Variants in HEATR5B observed in about 807,000 individuals in gnomAD.
HEATR5B encodes HEAT repeat-containing protein 5B.
A neutral mutation model predicts 224.1 loss-of-function variants in HEATR5B; 156 were observed. The ratio of observed to expected loss-of-function variants is 0.70; its 90% confidence interval spans 0.61 to 0.80. The LOEUF (loss-of-function observed/expected upper bound fraction) is 0.80, where lower values mean the gene tolerates loss of function less well. Ranked by LOEUF, HEATR5B falls within the 30% of genes least tolerant of loss-of-function variation. The pLI is 0.00. For synonymous variants in HEATR5B, 1,027 were observed against 893.0 expected (o/e 1.15, Z -2.68); for missense variants, 2,323 against 2,535.5 (o/e 0.92, Z 1.80).
intron 28 of HEATR5B, 93 bp downstream of exon 28, chr2:37,008,518 A>C (rs1401087982): frequency 2.4e-6 from 2 of 850,766 alleles, no homozygotes; most frequent in East Asian, 2.4e-5. Context: ...AACTGTTACT[A>C]TAGCAACTGT....
intron 20 of HEATR5B, among the ~76,000 whole-genome samples, chr2:37,038,326 G>A (rs1254382308): frequency 6.6e-6 from 1 of 152,074 alleles, no homozygotes; most frequent in Non-Finnish European, 1.5e-5. Context: ...TTTTAGTAGA[G>A]ATGAGTTTTC....
intron 2 of HEATR5B, among the ~76,000 whole-genome samples, chr2:37,081,608 T>C (rs1356919385): frequency 1.3e-5 from 2 of 152,048 alleles, no homozygotes. Flanking sequence ...TACCTTGAGA[T>C]AGAGGGAATG....
intron 2 of HEATR5B, among the ~76,000 whole-genome samples, chr2:37,081,191 C>T (rs1208304410): frequency 2.0e-5 from 3 of 151,978 alleles, no homozygotes; most frequent in Admixed American, 6.6e-5. Context: ...AAAACAGAAA[C>T]GTCTAGTTGA....
At chr2:37,040,590 GTT>G in intron 19 of HEATR5B, 72 bp from the exon 20 acceptor site, 24 of 1,079,458 alleles carry the variant, frequency 2.2e-5, no homozygotes, top group South Asian at 6.1e-5. Context: ...ATACTGAATT[GTT>G]ACATGGGTAT....
intron 18 of HEATR5B, among the ~76,000 whole-genome samples, chr2:37,046,267 A>G (rs917449822): frequency 6.6e-6 from 1 of 152,222 alleles, no homozygotes; most frequent in African/African-American, 2.4e-5. Context: ...CCTAAAAAGC[A>G]ATTTGGTTGT....
At position 37,019,792 on chromosome 2, in the gene HEATR5B, C is replaced by A; in HGVS notation, c.4104+17G>T. The A allele has an allele frequency of 3.9e-6, 6 of 1,539,866 alleles. No homozygotes were observed. Among genetic ancestry groups the A allele is most frequent in the Non-Finnish European group, 5.4e-6 (6 of 1,116,016 alleles). On this transcript the variant is annotated intron_variant, in intron 26 of 35. Coordinates refer to ENST00000233099, the MANE Select transcript of HEATR5B (RefSeq NM_019024.3). ...TGTATAGAAGACAACTATACAAAGT[C>A]CCATTTTTCTTCTTACCTGGCAAGC... is the stretch of plus-strand genomic sequence containing the variant.
At chr2:37,049,540 C>A (rs1169270010) in intron 18 of HEATR5B, 113 bp downstream of exon 18, 3 of 937,592 alleles carry the variant, frequency 3.2e-6, no homozygotes, top group Non-Finnish European at 4.8e-6. Context: ...AAAAAACCCA[C>A]AAAATATTAT....
At chr2:37,004,004 A>C (rs929629355) in intron 30 of HEATR5B, among the ~76,000 whole-genome samples, 1 of 152,146 alleles carries the variant, frequency 6.6e-6, no homozygotes, top group Non-Finnish European at 1.5e-5. Flanking sequence ...TAAAATTTAT[A>C]ATTTCTAACC....
At chr2:37,042,391 G>C (rs1451443688) in intron 18 of HEATR5B, among the ~76,000 whole-genome samples, 1 of 152,122 alleles carries the variant, frequency 6.6e-6, no homozygotes, top group Non-Finnish European at 1.5e-5. Context: ...CCTAGTTTTA[G>C]GCACCAAGAA....
intron 22 of HEATR5B, among the ~76,000 whole-genome samples, chr2:37,030,677 T>C (rs771636934): frequency 1.3e-5 from 2 of 152,254 alleles, no homozygotes; most frequent in Non-Finnish European, 2.9e-5. Context: ...ATTTTTAATC[T>C]TGATCACTTT....
At chr2:37,047,709 A>G (rs1295135062) in intron 18 of HEATR5B, among the ~76,000 whole-genome samples, 1 of 152,202 alleles carries the variant, frequency 6.6e-6, no homozygotes, top group Non-Finnish European at 1.5e-5. Context: ...TTAGTATAAG[A>G]TTTCAATGTG....
At chr2:37,070,415 G>A (rs755152237) in intron 6 of HEATR5B, 28 bp from the exon 7 acceptor site, 11 of 1,587,052 alleles carry the variant, frequency 6.9e-6, no homozygotes, top group Middle Eastern at 1.7e-4. Flanking sequence ...TAAAGTATAA[G>A]CAAATATATT....
intron 2 of HEATR5B, among the ~76,000 whole-genome samples, chr2:37,079,923 C>A (rs990448622): frequency 6.6e-6 from 1 of 152,128 alleles, no homozygotes; most frequent in African/African-American, 2.4e-5. Flanking sequence ...AGTTTACATT[C>A]TAGTGAGGAG....
At chr2:37,040,865 T>TA (rs890489270) in intron 19 of HEATR5B, among the ~76,000 whole-genome samples, 63 of 144,142 alleles carry the variant, frequency 4.4e-4, no homozygotes, top group Non-Finnish European at 6.4e-4. Flanking sequence ...TCTAAAGAAA[T>TA]AAAAAAAAAG....
chr2:37,000,751 T>C lies in HEATR5B; in HGVS notation c.5380A>G (p.Ile1794Val), dbSNP rs768520279. 3 of 1,614,086 alleles carry C rather than the reference T, an allele frequency of 1.9e-6. No individual in the cohort carries two copies. The African/African-American group carries it at 4.0e-5, about 22-fold the overall frequency. ...GGAACCTGATTATCTGCAGACTTTA[T>C]TGCTGTGTCTTTCAATATTCTTGCA... is the stretch of plus-strand genomic sequence containing the variant. ...LIARILKDTA[I>V]KSADNQVPPP... is the part of the protein sequence containing the mutation. Residue 1794 changes from isoleucine (I) to valine (V), a missense_variant, in exon 33 of 36, where the codon ATA becomes GTA. Physicochemically the swap from Ile to Val is conservative, Grantham distance 29. This residue lies in a region of HEATR5B where 844 missense variants were observed against 812.9 expected (regional missense o/e 1.04). Transcript: ENST00000233099.
rs1222000257 is a variant in HEATR5B at position 37,058,847 on chromosome 2, A to G, written c.1949+41T>C. ...TATGGCTGAGAAGTATATTATTAAT[A>G]TATAAAATAGGATGTGAACTTGTCT... On this transcript the variant is annotated intron_variant, in intron 13 of 35. Transcript: ENST00000233099. 12 of 1,169,680 alleles carry G rather than the reference A, an allele frequency of 1.0e-5. No homozygotes were observed. The East Asian group carries it at 3.0e-4, about 29-fold the overall frequency. The allele number at this position is 1,169,680 out of a possible 1,614,324, so 72.5% of individuals were successfully genotyped here.
intron 35 of HEATR5B, among the ~76,000 whole-genome samples, chr2:36,985,488 CA>C (rs748136790): frequency 7.2e-6 from 1 of 138,890 alleles, no homozygotes; most frequent in Non-Finnish European, 1.5e-5. Flanking sequence ...GACAGAGTCT[CA>C]CTCTGTTGCC....
chr2:37,037,798 T>A (rs1485441854), intron 21 of HEATR5B, 57 bp downstream of exon 21: 9 of 1,321,910 alleles, frequency 6.8e-6, no homozygotes, highest in Non-Finnish European at 7.9e-6. Context: ...AAAAATTTTT[T>A]AAATGTAAAA....
intron 35 of HEATR5B, among the ~76,000 whole-genome samples, chr2:36,982,239 C>CT (rs1056284228): frequency 3.9e-5 from 6 of 152,062 alleles, no homozygotes; most frequent in African/African-American, 1.4e-4. Flanking sequence ...TACAATACAA[C>CT]TTTTTTCCTA....
Sources: allele counts gnomAD v4.1 joint callset (sites outside exome capture counted in the v4.1 genomes callset), GRCh38; gene constraint gnomAD v4.1.1; regional missense constraint gnomAD v4.1.1; transcripts MANE v1.5; gene names NCBI Gene and HGNC (gene_info 2026-07-23, HGNC 2026-07-21).